PLXNA2: variants seen among roughly 807,000 people sequenced by gnomAD.
PLXNA2 encodes plexin A2, also known as plexin-A2.
PLXNA2 carries 91 observed loss-of-function variants against 193.5 expected under a neutral mutation model. The ratio of observed to expected loss-of-function variants is 0.47; its 90% CI spans 0.40 to 0.56. PLXNA2 has a LOEUF of 0.56. Ranked by LOEUF, PLXNA2 falls within the 20% of genes least tolerant of loss-of-function variation. PLXNA2 has a pLI of 0.00. For missense variants in PLXNA2, 1,995 were observed against 2,503.2 expected (o/e 0.80, Z 4.33); for synonymous variants, 997 against 1,027.3 (o/e 0.97, Z 0.56).
chr1:208,156,792 C>G (rs1185941526), intron 3 of PLXNA2, among the ~76,000 whole-genome samples: 1 of 152,162 alleles, frequency 6.6e-6, no homozygotes, highest in African/African-American at 2.4e-5. Context: ...GAGTGCCAAG[C>G]ATGACAGGGT....
chr1:208,134,997 G>A (rs191935175), intron 4 of PLXNA2, among the ~76,000 whole-genome samples: 11 of 152,238 alleles, frequency 7.2e-5, no homozygotes, highest in Non-Finnish European at 1.5e-4. Context: ...TTCTAGATCC[G>A]GGTTAGTAGT....
At chr1:208,072,414 A>G (rs1666004657) in intron 12 of PLXNA2, among the ~76,000 whole-genome samples, 1 of 152,150 alleles carries the variant, frequency 6.6e-6, no homozygotes, top group South Asian at 2.1e-4. Context: ...TGGTCACACC[A>G]ACTCTGGTGT....
At chr1:208,156,302 C>G (rs868855804) in intron 3 of PLXNA2, among the ~76,000 whole-genome samples, 1 of 152,140 alleles carries the variant, frequency 6.6e-6, no homozygotes, top group Non-Finnish European at 1.5e-5. Context: ...TGGAGTGGAT[C>G]GGAAGACTCT....
chr1:208,213,899 G>A (rs1201145271), intron 2 of PLXNA2, among the ~76,000 whole-genome samples: 1 of 152,190 alleles, frequency 6.6e-6, no homozygotes, highest in African/African-American at 2.4e-5. Context: ...CTATCCTTTT[G>A]TAACTAGCCC....
intron 3 of PLXNA2, among the ~76,000 whole-genome samples, chr1:208,149,008 G>A (rs1474821423): frequency 6.6e-6 from 1 of 152,206 alleles, no homozygotes; most frequent in Non-Finnish European, 1.5e-5. Context: ...GAGTTATTGA[G>A]CGCTCAACAT....
At chr1:208,195,653 G>C (rs7520775) in intron 3 of PLXNA2, among the ~76,000 whole-genome samples, 53,216 of 107,904 alleles carry the variant, frequency 0.49, 9,522 homozygotes, top group Non-Finnish European at 0.56. Flanking sequence ...ATGTTTTTTG[G>C]GGGGGGGGGT....
chr1:208,081,679 A>T (rs1223242192), intron 11 of PLXNA2, among the ~76,000 whole-genome samples: 1 of 152,090 alleles, frequency 6.6e-6, no homozygotes, highest in East Asian at 1.9e-4. Flanking sequence ...AATAGTACAT[A>T]CCTCTCAGAG....
chr1:208,155,378 C>T (rs1234188406), intron 3 of PLXNA2, among the ~76,000 whole-genome samples: 1 of 152,094 alleles, frequency 6.6e-6, no homozygotes, highest in African/African-American at 2.4e-5. Context: ...GCAAACCTAC[C>T]CACTGCTAAT....
chr1:208,054,566 G>A, intron 13 of PLXNA2, 28 bp from the exon 14 acceptor site: 1 of 1,521,418 alleles, frequency 6.6e-7, no homozygotes, highest in South Asian at 1.1e-5. Context: ...CTTCTGGTGA[G>A]GGACTGGGCA....
intron 2 of PLXNA2, among the ~76,000 whole-genome samples, chr1:208,212,767 T>C (rs1353008485): frequency 6.6e-6 from 1 of 152,184 alleles, no homozygotes; most frequent in Non-Finnish European, 1.5e-5. Context: ...AGTTATCAGC[T>C]ACACTTTTTA....
chr1:208,149,999 C>T (rs1317936546), intron 3 of PLXNA2, among the ~76,000 whole-genome samples: 1 of 152,330 alleles, frequency 6.6e-6, no homozygotes, highest in African/African-American at 2.4e-5. Flanking sequence ...CCCTGGAGGA[C>T]AGCTAGGAGC....
chr1:208,114,236 A>G lies in PLXNA2; in HGVS notation c.1507-10989T>C, dbSNP rs74152194. Among the ~76,000 whole-genome samples, 1,225 of 152,234 alleles carry G rather than the reference A, an allele frequency of 8.0e-3. 16 individuals are homozygous for G. The highest frequency in any genetic ancestry group is 0.028 in the African/African-American group (1,151 of 41,530). On this transcript the variant is annotated intron_variant, in intron 4 of 31. Coordinates refer to ENST00000367033, the MANE Select transcript of PLXNA2 (RefSeq NM_025179.4). ...CTGCTGTTGGCATTTGTGGTTATTG[A>G]TAATACGTGTGGGTTCTTAGGGATT...
chr1:208,030,302 G>A (rs1664459164), intron 29 of PLXNA2: 8 of 985,392 alleles, frequency 8.1e-6, no homozygotes, highest in African/African-American at 5.2e-5. Context: ...CACGATGCCA[G>A]GGTAGTCCAT....
intron 4 of PLXNA2, among the ~76,000 whole-genome samples, chr1:208,138,704 G>C (rs1668375785): frequency 6.6e-6 from 1 of 152,206 alleles, no homozygotes; most frequent in African/African-American, 2.4e-5. Flanking sequence ...GGGCAACATG[G>C]TGAAACCCCA....
intron 3 of PLXNA2, among the ~76,000 whole-genome samples, chr1:208,194,332 G>T (rs368630010): frequency 6.6e-6 from 1 of 151,946 alleles, no homozygotes; most frequent in Non-Finnish European, 1.5e-5. Flanking sequence ...TAGAGTCACC[G>T]GAGTGCTCCA....
At chr1:208,169,230 AG>A (rs1200685626) in intron 3 of PLXNA2, among the ~76,000 whole-genome samples, 1 of 152,190 alleles carries the variant, frequency 6.6e-6, no homozygotes, top group African/African-American at 2.4e-5. Context: ...TTGGGAGTCA[AG>A]GGCAGGCAGG....
At chr1:208,072,054 A>G (rs1571884535) in intron 12 of PLXNA2, among the ~76,000 whole-genome samples, 1 of 152,238 alleles carries the variant, frequency 6.6e-6, no homozygotes, top group East Asian at 1.9e-4. Context: ...AGCAGGAGTG[A>G]TGGATCATCT....
At chr1:208,079,225 C>T (rs1666252120) in intron 12 of PLXNA2, 35 bp downstream of exon 12, 2 of 1,564,494 alleles carry the variant, frequency 1.3e-6, no homozygotes, top group Non-Finnish European at 1.8e-6. Flanking sequence ...AGCTCTTGGC[C>T]ACCCCTTCCT....
At chr1:208,206,846 C>A (rs372386760) in intron 3 of PLXNA2, among the ~76,000 whole-genome samples, 1 of 151,386 alleles carries the variant, frequency 6.6e-6, no homozygotes, top group Non-Finnish European at 1.5e-5. Context: ...TCACTGCAAC[C>A]TCCACCTCCC....
Sources: gnomAD v4.1 joint callset for allele counts (sites outside exome capture counted in the v4.1 genomes callset) on GRCh38, gnomAD v4.1.1 for gene constraint, MANE v1.5 for transcripts, NCBI Gene and HGNC (gene_info 2026-07-23, HGNC 2026-07-21) for gene names.